MCPH1: variants seen among roughly 807,000 people sequenced by gnomAD.
MCPH1 encodes the protein microcephalin.
A neutral mutation model predicts 84.5 loss-of-function variants in MCPH1; 104 were observed. The ratio of observed to expected loss-of-function variants is 1.23; its 90% CI spans 1.05 to 1.45. The LOEUF (loss-of-function observed/expected upper bound fraction) is 1.45, where lower values mean the gene tolerates loss of function less well. Ranked by LOEUF, MCPH1 falls within the 40% of genes most tolerant of loss-of-function variation. The probability of loss-of-function intolerance (pLI) is 0.00; values close to 1 mark genes in which losing one functional copy is unlikely to be tolerated. For missense variants in MCPH1, 1,498 were observed against 1,005.7 expected (o/e 1.49, Z -6.62); for synonymous variants, 514 against 366.8 (o/e 1.40, Z -4.58).
chr8:6,531,293 C>CTTT, intron 12 of MCPH1, among the ~76,000 whole-genome samples: 1 of 142,402 alleles, frequency 7.0e-6, no homozygotes, highest in South Asian at 2.3e-4. Flanking sequence ...TTCTTTCTTT[C>CTTT]TTTTTTTTTT....
At chr8:6,433,178 G>A (rs544099381) in intron 4 of MCPH1, among the ~76,000 whole-genome samples, 1 of 151,900 alleles carries the variant, frequency 6.6e-6, no homozygotes, top group Non-Finnish European at 1.5e-5. Flanking sequence ...CTGTTTTTCC[G>A]GTATTCATGT....
chr8:6,643,189 G>T lies in MCPH1; in HGVS notation c.*140G>T. On this transcript the variant is annotated 3_prime_UTR_variant, in exon 14 of 14. Coordinates refer to ENST00000344683, the MANE Select transcript of MCPH1 (RefSeq NM_024596.5). ...GATATCATGTTTGCCATGTGTTGTG[G>T]TTCTTAAGAACTCATAGGTGACTTT... 1.3e-6 allele frequency: 1 copy of T among 773,428 alleles called. No individual in the cohort carries two copies. Among genetic ancestry groups the T allele is most frequent in the South Asian group, 1.5e-5 (1 of 68,298 alleles). 47.9% of individuals were successfully genotyped at this position (773,428 alleles called of 1,614,324 possible). A position where few individuals can be genotyped will look rare whatever the true frequency, so the allele number is the denominator to read the frequency against.
In MCPH1 at chr8:6,455,369, G is replaced by C. The variant is rs1410291143; in HGVS notation, c.1935+117G>C. ...GACTTGTCTTTTATTCTAAAAAATT[G>C]ATTATGGGTAAATGCTGGAAAACTC... On this transcript the variant is annotated intron_variant, in intron 9 of 13. Transcript: ENST00000344683. 17 of 752,680 alleles carry C rather than the reference G, an allele frequency of 2.3e-5. No homozygotes were observed. In the East Asian group the frequency reaches 4.0e-4, roughly 18 times the overall value. The allele number at this position is 752,680 out of a possible 1,614,324, so 46.6% of individuals were successfully genotyped here.
intron 12 of MCPH1, among the ~76,000 whole-genome samples, chr8:6,512,524 C>A (rs184988377): frequency 1.3e-5 from 2 of 152,316 alleles, no homozygotes; most frequent in East Asian, 1.9e-4. Flanking sequence ...CACGAGGCGC[C>A]ACCAGTCTGT....
chr8:6,449,307 G>T (rs1261531243), intron 8 of MCPH1, among the ~76,000 whole-genome samples: 2 of 152,140 alleles, frequency 1.3e-5, no homozygotes, highest in Non-Finnish European at 2.9e-5. Context: ...ATAGGTGGAA[G>T]CTCCTCAATT....
At chr8:6,449,358 G>C (rs1208467725) in intron 8 of MCPH1, among the ~76,000 whole-genome samples, 2 of 152,192 alleles carry the variant, frequency 1.3e-5, no homozygotes, top group Admixed American at 6.5e-5. Context: ...TTCCGGCCAG[G>C]TGTGATGGCT....
chr8:6,558,888 C>T (rs1825070907), intron 12 of MCPH1, among the ~76,000 whole-genome samples: 1 of 151,982 alleles, frequency 6.6e-6, no homozygotes, highest in African/African-American at 2.4e-5. Flanking sequence ...ACATATCATA[C>T]TATACATATA....
At chr8:6,504,314 G>C (rs532395390) in intron 12 of MCPH1, among the ~76,000 whole-genome samples, 1 of 55,120 alleles carries the variant, frequency 1.8e-5, no homozygotes, top group East Asian at 7.8e-4. Context: ...TGAGACTCCA[G>C]CTCAAAAAAA....
At chr8:6,638,974 A>G (rs1308978080) in intron 13 of MCPH1, among the ~76,000 whole-genome samples, 3 of 152,182 alleles carry the variant, frequency 2.0e-5, no homozygotes, top group Non-Finnish European at 4.4e-5. Flanking sequence ...CACTGCTCAG[A>G]AGTCCAGTGT....
At chr8:6,586,683 C>A (rs1026039742) in intron 12 of MCPH1, among the ~76,000 whole-genome samples, 15 of 152,124 alleles carry the variant, frequency 9.9e-5, no homozygotes, top group African/African-American at 3.6e-4. Flanking sequence ...TATCAAGGGA[C>A]AAAGCTGAAA....
intron 12 of MCPH1, among the ~76,000 whole-genome samples, chr8:6,555,557 G>A (rs1310687682): frequency 4.0e-5 from 6 of 151,702 alleles, no homozygotes; most frequent in Non-Finnish European, 8.8e-5. Context: ...TGCCTCCTGG[G>A]TTCAAATGAT....
chr8:6,436,137 G>C lies in MCPH1; in HGVS notation c.411G>C (p.Glu137Asp). 2 of 1,613,642 alleles carry C rather than the reference G, an allele frequency of 1.2e-6. No individual in the cohort carries two copies. The highest frequency in any genetic ancestry group is 1.7e-6 in the Non-Finnish European group (2 of 1,179,790). Residue 137 changes from glutamate to aspartate, a missense_variant, in exon 5 of 14, where the codon GAG (glutamate) becomes GAC (aspartate). Coordinates refer to ENST00000344683, the MANE Select transcript of MCPH1 (RefSeq NM_024596.5). ...AGAAATTTGAGAAAATGGCTAAAGA[G>C]CTACAAAGGCAAAAAACAAATCTAG... Reference protein sequence around the residue: ...FQKKFEKMAKELQRQKTNLDD... With the variant: ...FQKKFEKMAKDLQRQKTNLDD...
rs1825816739 is a variant in MCPH1 at position 6,563,180 on chromosome 8, G to A, written c.2215-58274G>A. 1.9e-5 allele frequency: 7 copies of A among 360,648 alleles called. No individual in the cohort carries two copies. In the South Asian group the frequency reaches 3.8e-4, roughly 20 times the overall value. The allele number at this position is 360,648 out of a possible 1,614,324, so 22.3% of individuals were successfully genotyped here. A position where few individuals can be genotyped will look rare whatever the true frequency, so the allele number is the denominator to read the frequency against. ...AGTCCTGCTCACTTGGGAGGGCTGTGTCAGCTTTTACAGAGCAGCTTTCAC... is the reference window on the plus strand; with the variant it reads ...AGTCCTGCTCACTTGGGAGGGCTGTATCAGCTTTTACAGAGCAGCTTTCAC... On this transcript the variant is annotated intron_variant, in intron 12 of 13. Coordinates refer to ENST00000344683, the MANE Select transcript of MCPH1 (RefSeq NM_024596.5).
rs189716626 is a variant in MCPH1, at chr8:6,621,586, G to A, written c.2347G>A (p.Gly783Arg). The A allele has an allele frequency of 1.2e-5, 19 of 1,614,232 alleles. No homozygotes were observed. Among genetic ancestry groups the A allele is most frequent in the Admixed American group, 6.7e-5 (4 of 60,032 alleles). ...AKLCELVHLC[G>R]GRVSQVPRQA... is the part of the protein sequence containing the mutation. The stretch of plus-strand genomic sequence containing the variant: ...GCTCTGTGAACTAGTCCACCTGTGC[G>A]GAGGCCGGGTCAGCCAAGTCCCCCG... The change falls in exon 13 of 14, where the codon GGA becomes AGA. Residue 783 changes from glycine to arginine, a missense_variant. By Grantham distance (125) the Gly-to-Arg change is moderately radical. Transcript: ENST00000344683.
intron 12 of MCPH1, among the ~76,000 whole-genome samples, chr8:6,578,997 A>G (rs1164865590): frequency 6.6e-6 from 1 of 152,198 alleles, no homozygotes; most frequent in Non-Finnish European, 1.5e-5. Context: ...GTGGAGCTGC[A>G]TGATCTGGTC....
chr8:6,491,948 T>A (rs1292369407), intron 11 of MCPH1, among the ~76,000 whole-genome samples: 1 of 152,248 alleles, frequency 6.6e-6, no homozygotes, highest in Non-Finnish European at 1.5e-5. Context: ...CGTGTGCATG[T>A]GTCTTTATAG....
chr8:6,525,473 T>C (rs550299499), intron 12 of MCPH1, among the ~76,000 whole-genome samples: 1 of 152,316 alleles, frequency 6.6e-6, no homozygotes, highest in South Asian at 2.1e-4. Flanking sequence ...CAAGAAATCC[T>C]ATCACTCTGG....
Position 6,592,614 on chromosome 8 carries a change from C to CTTT in MCPH1, c.2215-28834_2215-28832dup, listed in dbSNP as rs1252024553. On this transcript the variant is annotated intron_variant, in intron 12 of 13. Coordinates refer to ENST00000344683, the MANE Select transcript of MCPH1 (RefSeq NM_024596.5). ...GTCATCTAGGCTCTCGTTTTTCTTT[C>CTTT]TTTTTTTTGTTTTTTTTTTTTTTTT... 4.1e-3 allele frequency among the ~76,000 whole-genome samples: 270 copies of CTTT among 65,406 alleles called. 13 individuals are homozygous for CTTT. Among genetic ancestry groups the CTTT allele is most frequent in the African/African-American group, 9.7e-3 (186 of 19,166 alleles). 42.9% of individuals were successfully genotyped at this position (65,406 alleles called of 152,430 possible).
intron 5 of MCPH1, 41 bp downstream of exon 5, chr8:6,436,203 C>T: frequency 1.9e-6 from 3 of 1,597,864 alleles, no homozygotes; most frequent in Non-Finnish European, 2.6e-6. Context: ...CATTTGTGTC[C>T]ATACACCTTG....
Sources: allele counts gnomAD v4.1 joint callset (sites outside exome capture counted in the v4.1 genomes callset), GRCh38; gene constraint gnomAD v4.1.1; transcripts MANE v1.5; gene names NCBI Gene and HGNC (gene_info 2026-07-23, HGNC 2026-07-21).